Variants in HPSE2 observed in about 807,000 individuals in gnomAD.
HPSE2 encodes the protein heparanase 2 (inactive), also known as inactive heparanase-2.
Under a neutral mutation model 60.5 loss-of-function variants are expected in HPSE2, and 38 were observed. That is an observed-to-expected ratio of 0.63 (90% confidence interval 0.48 to 0.82). The LOEUF (loss-of-function observed/expected upper bound fraction) is 0.82, where lower values mean the gene tolerates loss of function less well. Among genes scored for constraint, HPSE2 ranks in the 40% least tolerant of loss-of-function variants. HPSE2 has a pLI of 0.00. For missense variants in HPSE2, 713 were observed against 740.4 expected, an observed-to-expected ratio of 0.96 and a Z score of 0.43; for synonymous variants, 295 against 293.2, an observed-to-expected ratio of 1.01 and a Z score of -0.06.
the HPSE2 span, among the ~76,000 whole-genome samples, chr10:99,293,651 G>A: frequency 1.3e-4 from 20 of 152,126 alleles, no homozygotes; most frequent in Admixed American, 8.5e-4. Context: ...AGACACTGGC[G>A]AAGCTTTTCT....
chr10:99,144,505 C>G (rs1845979889), intron 2 of HPSE2, 106 bp from the exon 3 acceptor site: 1 of 1,321,566 alleles, frequency 7.6e-7, no homozygotes, highest in Non-Finnish European at 1.1e-6. Flanking sequence ...TAATAAGCTA[C>G]CAGCATTTTC....
intron 2 of HPSE2, among the ~76,000 whole-genome samples, chr10:99,163,270 G>A (rs1190142762): frequency 6.6e-6 from 1 of 151,068 alleles, no homozygotes; most frequent in Non-Finnish European, 1.5e-5. Flanking sequence ...ATTTTTTAGT[G>A]TACAAAAAAT....
intron 3 of HPSE2, among the ~76,000 whole-genome samples, chr10:99,112,540 C>T (rs988724936): frequency 2.0e-5 from 3 of 152,190 alleles, no homozygotes; most frequent in East Asian, 1.9e-4. Context: ...CCGTTTGCCT[C>T]GGCCTCCCAA....
chr10:98,827,330 C>T (rs1170236735), intron 3 of HPSE2, among the ~76,000 whole-genome samples: 3 of 151,988 alleles, frequency 2.0e-5, no homozygotes, highest in Non-Finnish European at 4.4e-5. Flanking sequence ...CTCAGCCTCC[C>T]GAGTAGCTGG....
chr10:98,490,371 T>C (rs748125190), intron 9 of HPSE2, among the ~76,000 whole-genome samples, 175 bp from the exon 10 acceptor site: 16 of 152,058 alleles, frequency 1.1e-4, no homozygotes, highest in Non-Finnish European at 2.2e-4. Flanking sequence ...GTCAGCCCCA[T>C]GAAACACGAA....
intron 3 of HPSE2, among the ~76,000 whole-genome samples, chr10:99,077,566 G>A (rs1211850386): frequency 6.6e-6 from 1 of 151,844 alleles, no homozygotes; most frequent in African/African-American, 2.4e-5. Context: ...GTTTGGGGCT[G>A]TGTGTGAGTG....
the HPSE2 span, among the ~76,000 whole-genome samples, chr10:99,267,082 A>T: frequency 6.6e-6 from 1 of 152,094 alleles, no homozygotes; most frequent in Non-Finnish European, 1.5e-5. Flanking sequence ...GTAATATAAC[A>T]AAACAAGGTT....
At chr10:98,684,935 A>AT (rs5787299) in intron 6 of HPSE2, among the ~76,000 whole-genome samples, 149,409 of 152,258 alleles carry the variant, frequency 0.98, 73,367 homozygotes, top group East Asian at 1. Flanking sequence ...TGTCATATAT[A>AT]TTTCAAAGCA....
At chr10:98,952,139 A>G (rs560053598) in intron 3 of HPSE2, among the ~76,000 whole-genome samples, 4 of 152,200 alleles carry the variant, frequency 2.6e-5, no homozygotes, top group Non-Finnish European at 5.9e-5. Context: ...TTTGTTTTTC[A>G]CTTGTCATGG....
chr10:98,758,051 C>A (rs899483136), intron 3 of HPSE2, among the ~76,000 whole-genome samples: 2 of 151,974 alleles, frequency 1.3e-5, no homozygotes, highest in Admixed American at 1.3e-4. Context: ...TACAACCATC[C>A]AATTTTCAAC....
intron 3 of HPSE2, among the ~76,000 whole-genome samples, chr10:98,770,048 G>A (rs1301674207): frequency 6.6e-6 from 1 of 152,124 alleles, no homozygotes; most frequent in African/African-American, 2.4e-5. Context: ...TAGTAATAGG[G>A]CACGCACTTG....
At chr10:98,974,957 A>C (rs543581378) in intron 3 of HPSE2, among the ~76,000 whole-genome samples, 1 of 152,228 alleles carries the variant, frequency 6.6e-6, no homozygotes, top group Non-Finnish European at 1.5e-5. Flanking sequence ...GATCTTCAAC[A>C]TAGTAGTTTT....
chr10:99,254,122 T>C, the HPSE2 span, among the ~76,000 whole-genome samples: 3 of 152,340 alleles, frequency 2.0e-5, no homozygotes, highest in Admixed American at 6.5e-5. Context: ...CGCATGTTCA[T>C]GGCAGCACAA....
chr10:99,152,822 C>T (rs1271016258), intron 2 of HPSE2, among the ~76,000 whole-genome samples: 1 of 152,220 alleles, frequency 6.6e-6, no homozygotes, highest in African/African-American at 2.4e-5. Flanking sequence ...GTGATTTCTG[C>T]ATTTCCATCT....
At chr10:98,823,341 A>T (rs949671553) in intron 3 of HPSE2, among the ~76,000 whole-genome samples, 4 of 152,222 alleles carry the variant, frequency 2.6e-5, no homozygotes, top group African/African-American at 9.6e-5. Context: ...ATAATGCACC[A>T]GGCACAGTGG....
At chr10:98,907,146 T>C (rs1191903265) in intron 3 of HPSE2, among the ~76,000 whole-genome samples, 1 of 152,176 alleles carries the variant, frequency 6.6e-6, no homozygotes, top group Non-Finnish European at 1.5e-5. Flanking sequence ...TGCCTCTTCA[T>C]GTATACTGTT....
At chr10:98,665,051 T>A (rs1027631867) in intron 6 of HPSE2, among the ~76,000 whole-genome samples, 4 of 152,162 alleles carry the variant, frequency 2.6e-5, no homozygotes, top group Non-Finnish European at 5.9e-5. Flanking sequence ...AGGAATCCAG[T>A]AAAATGATCC....
chr10:98,718,314 C>A (rs1349227213), intron 5 of HPSE2, among the ~76,000 whole-genome samples: 1 of 152,140 alleles, frequency 6.6e-6, no homozygotes, highest in African/African-American at 2.4e-5. Flanking sequence ...CCTGAAGATA[C>A]TAAATACGAA....
rs577627715 is a variant in HPSE2, at chr10:99,094,683, A to G, written c.610+49555T>C. Among the ~76,000 whole-genome samples, 266 of 147,488 alleles carry G rather than the reference A, an allele frequency of 1.8e-3. 2 individuals are homozygous for G. The highest frequency in any genetic ancestry group is 6.5e-3 in the African/African-American group (258 of 39,740). ...GCGATTCTCCTGCCTCAGCCTCTGG[A>G]GTAGCTGAGATTATAGGCACATGTC... is the stretch of plus-strand genomic sequence containing the variant. On this transcript the variant is annotated intron_variant, in intron 3 of 11. Transcript: ENST00000370552.
Sources: allele counts gnomAD v4.1 joint callset (sites outside exome capture counted in the v4.1 genomes callset), GRCh38; gene constraint gnomAD v4.1.1; transcripts MANE v1.5; gene names NCBI Gene and HGNC (gene_info 2026-07-23, HGNC 2026-07-21).